The following B4GALT7 variants were observed in gnomAD, a reference collection of about 807,000 sequenced individuals.
B4GALT7 encodes UDP-Gal:beta-GlcNAc beta-1,4-galactosyltransferase 7.
Under a neutral mutation model 33.0 loss-of-function variants are expected in B4GALT7, and 30 were observed. The observed-to-expected ratio is 0.91, with a 90% CI of 0.68 to 1.23. B4GALT7 has a LOEUF of 1.23. B4GALT7 is among the 50% of genes most tolerant of loss of function. The pLI is 0.00. For missense variants in B4GALT7, 507 were observed against 450.8 expected (o/e 1.12, Z -1.13); for synonymous variants, 213 against 187.2 (o/e 1.14, Z -1.13).
intron 1 of B4GALT7, among the ~76,000 whole-genome samples, chr5:177,603,568 G>A (rs1421346021): frequency 6.6e-6 from 1 of 152,136 alleles, no homozygotes; most frequent in African/African-American, 2.4e-5. Context: ...TCAGTGAACC[G>A]CCACTGACAG....
At position 177,606,709 on chromosome 5, in the gene B4GALT7, G is replaced by A. The variant is rs547308589; in HGVS notation, c.414-593G>A. On this transcript the variant is annotated intron_variant, in intron 2 of 5. Transcript: ENST00000029410. The surrounding 1 kb of genome is among the most constrained non-coding windows in gnomAD (Gnocchi z 4.2). Reference sequence around the variant, plus strand: ...CCCATCTTACCCGAGTCAAAGCCCCGTCCTTCAGTGGCCCTTGGGCCTTGT... The same window carrying A: ...CCCATCTTACCCGAGTCAAAGCCCCATCCTTCAGTGGCCCTTGGGCCTTGT... 1.1e-3 allele frequency: 220 copies of A among 198,632 alleles called. No individual in the cohort carries two copies. Among genetic ancestry groups the A allele is most frequent in the African/African-American group, 4.8e-3 (208 of 43,198 alleles). 12.3% of individuals were successfully genotyped at this position (198,632 alleles called of 1,614,324 possible). A position where few individuals can be genotyped will look rare whatever the true frequency, so the allele number is the denominator to read the frequency against.
chr5:177,600,356 C>T lies in B4GALT7; in HGVS notation c.50+96C>T. 1 of 1,047,062 alleles carries T rather than the reference C, an allele frequency of 9.6e-7. No homozygotes were observed. Among genetic ancestry groups the T allele is most frequent in the Non-Finnish European group, 1.2e-6 (1 of 814,572 alleles). The allele number at this position is 1,047,062 out of a possible 1,614,324, so 64.9% of individuals were successfully genotyped here. A position where few individuals can be genotyped will look rare whatever the true frequency, so the allele number is the denominator to read the frequency against. On this transcript the variant is annotated intron_variant, in intron 1 of 5. Transcript: ENST00000029410. This position sits in a 1 kb window ranked among gnomAD's most constrained non-coding sequence, Gnocchi z 4.4. ...TGGGAACCCGAGGCCATCACGTCTCCATGTCTGCGGGTTTCTGTGAGGGCG... is the reference window on the plus strand; with the variant it reads ...TGGGAACCCGAGGCCATCACGTCTCTATGTCTGCGGGTTTCTGTGAGGGCG...
intron 5 of B4GALT7, 32 bp downstream of exon 5, chr5:177,609,046 A>T: frequency 6.4e-7 from 1 of 1,572,274 alleles, no homozygotes; most frequent in East Asian, 2.2e-5. Context: ...GGGGACAGAT[A>T]GGTGGTCATG....
In B4GALT7 at chr5:177,602,943, C is replaced by T. The variant is rs186429639; in HGVS notation, c.51-1236C>T. On this transcript the variant is annotated intron_variant, in intron 1 of 5. Transcript: ENST00000029410. ...TGTTGCCCAGGCTGGAGTGCAGTGG[C>T]GTGATCTCAGCTCACTGCAACCTCC... 5.8e-5 allele frequency: 41 copies of T among 712,858 alleles called. 1 individual carries two copies. The East Asian group carries it at 1.2e-3, about 21-fold the overall frequency. The allele number at this position is 712,858 out of a possible 1,614,324, so 44.2% of individuals were successfully genotyped here. A position where few individuals can be genotyped will look rare whatever the true frequency, so the allele number is the denominator to read the frequency against.
chr5:177,601,712 G>A (rs1219520238), intron 1 of B4GALT7, among the ~76,000 whole-genome samples: 2 of 152,128 alleles, frequency 1.3e-5, no homozygotes, highest in Admixed American at 6.6e-5. Flanking sequence ...TGATTGATGA[G>A]GGAGACAAAG....
At position 177,608,459 on chromosome 5, in the gene B4GALT7, G is replaced by A. The variant is rs1768076825; in HGVS notation, c.640-80G>A. On this transcript the variant is annotated intron_variant, in intron 3 of 5. Transcript: ENST00000029410. The surrounding 1 kb of genome is among the most constrained non-coding windows in gnomAD (Gnocchi z 4.1). ...TTATTCAGAGGCGCTGGGGGAGAGG[G>A]GCACTCCCGAGCGGTAGGAGACCAA... 3.8e-6 allele frequency: 5 copies of A among 1,300,662 alleles called. No homozygotes were observed. Among genetic ancestry groups the A allele is most frequent in the Admixed American group, 3.4e-5 (2 of 59,056 alleles). 80.6% of individuals were successfully genotyped at this position (1,300,662 alleles called of 1,614,324 possible). A position where few individuals can be genotyped will look rare whatever the true frequency, so the allele number is the denominator to read the frequency against.
chr5:177,606,661 C>T lies in B4GALT7; in HGVS notation c.414-641C>T, dbSNP rs748567712. On this transcript the variant is annotated intron_variant, in intron 2 of 5. Coordinates refer to ENST00000029410, the MANE Select transcript of B4GALT7 (RefSeq NM_007255.3). This position sits in a 1 kb window ranked among gnomAD's most constrained non-coding sequence, Gnocchi z 4.2. ...AGGCATAAGTCACAGCACGCCTCTA[C>T]CCTGCTCAGAGCCTCCATGGCACCC... 9 of 194,608 alleles carry T rather than the reference C, an allele frequency of 4.6e-5. No homozygotes were observed. Among genetic ancestry groups the T allele is most frequent in the Non-Finnish European group, 8.6e-5 (8 of 93,068 alleles). The allele number at this position is 194,608 out of a possible 1,614,324, so 12.1% of individuals were successfully genotyped here.
chr5:177,603,842 T>A (rs910198381), intron 1 of B4GALT7, among the ~76,000 whole-genome samples: 7 of 152,058 alleles, frequency 4.6e-5, no homozygotes, highest in Admixed American at 3.9e-4. Flanking sequence ...CACCTGCAAG[T>A]GACAGGAGCC....
rs563775424 is a variant in B4GALT7, at chr5:177,608,841, G to A, written c.724-69G>A. ...TGCAGGTCCCTTCCTGTGGGACCTC[G>A]GGAGCTGGTGGTGAGGGCTGGGGCT... On this transcript the variant is annotated intron_variant, in intron 4 of 5. Transcript: ENST00000029410. This position sits in a 1 kb window ranked among gnomAD's most constrained non-coding sequence, Gnocchi z 4.1. 231 of 1,397,550 alleles carry A rather than the reference G, an allele frequency of 1.7e-4. 1 individual carries two copies. The highest frequency in any genetic ancestry group is 1.2e-3 in the Middle Eastern group (7 of 5,704). 86.6% of individuals were successfully genotyped at this position (1,397,550 alleles called of 1,614,324 possible).
In B4GALT7 at chr5:177,600,483, C is replaced by T. The variant is rs1005262856; in HGVS notation, c.50+223C>T. Among the ~76,000 whole-genome samples the T allele has an allele frequency of 1.3e-5, 2 of 151,312 alleles. No individual in the cohort carries two copies. The highest frequency in any genetic ancestry group is 6.6e-5 in the Admixed American group (1 of 15,208). On this transcript the variant is annotated intron_variant, in intron 1 of 5. Coordinates refer to ENST00000029410, the MANE Select transcript of B4GALT7 (RefSeq NM_007255.3). This position sits in a 1 kb window ranked among gnomAD's most constrained non-coding sequence, Gnocchi z 4.4. ...CCTCTCCCTTTCCGCGGCACTCGTCCTTCCCCCAGCACCTTCCCCCCGGCC... is the reference window on the plus strand; with the variant it reads ...CCTCTCCCTTTCCGCGGCACTCGTCTTTCCCCCAGCACCTTCCCCCCGGCC...
intron 1 of B4GALT7, among the ~76,000 whole-genome samples, chr5:177,603,529 G>T (rs1767895892): frequency 6.6e-6 from 1 of 152,192 alleles, no homozygotes; most frequent in African/African-American, 2.4e-5. Context: ...ATCATGAGCT[G>T]CCTCTTGGAC....
intron 2 of B4GALT7, chr5:177,607,003 GA>G (rs1561815272): frequency 2.1e-6 from 1 of 477,260 alleles, no homozygotes; most frequent in Non-Finnish European, 3.9e-6. Flanking sequence ...CCCCCAGCAC[GA>G]ACCACTGCTG....
chr5:177,608,534 G>T lies in B4GALT7; in HGVS notation c.640-5G>T. 1 of 1,613,054 alleles carries T rather than the reference G, an allele frequency of 6.2e-7. No homozygotes were observed. On this transcript the variant is annotated splice_region_variant and splice_polypyrimidine_tract_variant and intron_variant, in intron 3 of 5. Transcript: ENST00000029410. The surrounding 1 kb of genome is among the most constrained non-coding windows in gnomAD (Gnocchi z 4.1). ...GCCGAGTGACGCTGCTTGTCTCTGT[G>T]TCAGTGCAATGGGATGTCCAACCGC...
intron 3 of B4GALT7, 80 bp downstream of exon 3, chr5:177,607,607 C>T (rs2127513437): frequency 7.3e-7 from 1 of 1,379,098 alleles, no homozygotes; most frequent in Admixed American, 1.7e-5. Context: ...GGGGCAGTGC[C>T]TCTGGGGCCC....
At chr5:177,603,228 A>T in intron 1 of B4GALT7, 1 of 985,328 alleles carries the variant, frequency 1.0e-6, no homozygotes, top group Non-Finnish European at 1.2e-6. Context: ...GACTCTTAAG[A>T]TTGTGAAGTG....
Position 177,608,498 on chromosome 5 carries a change from C to CCCG in B4GALT7, c.640-41_640-40insCCG. ...GTAGGAGACCAAAGGCCCCCCCCCC[C>CCCG]GGGAAGATGGGCCGAGTGACGCTGC... On this transcript the variant is annotated intron_variant, in intron 3 of 5. Coordinates refer to ENST00000029410, the MANE Select transcript of B4GALT7 (RefSeq NM_007255.3). This position sits in a 1 kb window ranked among gnomAD's most constrained non-coding sequence, Gnocchi z 4.1. 1 of 1,568,252 alleles carries CCCG rather than the reference C, an allele frequency of 6.4e-7. No individual in the cohort carries two copies. Among genetic ancestry groups the CCCG allele is most frequent in the Non-Finnish European group, 8.8e-7 (1 of 1,141,674 alleles).
At chr5:177,604,918 G>C in intron 2 of B4GALT7, 4 of 463,068 alleles carry the variant, frequency 8.6e-6, no homozygotes, top group South Asian at 6.4e-5. Context: ...GGAGGGTCAA[G>C]GCCACGGCTT....
rs1310598945 is a variant in B4GALT7 at position 177,604,399 on chromosome 5, G to C, written c.271G>C (p.Gly91Arg). The change falls in exon 2 of 6, where the codon GGC becomes CGC. Residue 91 changes from glycine to arginine, a missense_variant. Physicochemically the swap from Gly to Arg is moderately radical, Grantham distance 125 (BLOSUM62 -2). Coordinates refer to ENST00000029410, the MANE Select transcript of B4GALT7 (RefSeq NM_007255.3). ...GCACTGGGAAGAAGACGCATCCTGG[G>C]GCCCCCACCGCCTGGCAGTGCTGGT... ...PEHWEEDASW[G>R]PHRLAVLVPF... 6.2e-7 allele frequency: 1 copy of C among 1,613,762 alleles called. No homozygotes were observed. Among genetic ancestry groups the C allele is most frequent in the East Asian group, 2.2e-5 (1 of 44,866 alleles).
chr5:177,607,485 T>A lies in B4GALT7; in HGVS notation c.597T>A (p.Tyr199Ter), dbSNP rs560198890. The A allele has an allele frequency of 3.7e-6, 6 of 1,613,542 alleles. No individual in the cohort carries two copies. In the East Asian group the frequency reaches 8.9e-5, roughly 24 times the overall value. The change falls in exon 3 of 6, where the codon TAT becomes TAA. Residue 199 changes from tyrosine to a stop codon, truncating the protein, a stop_gained. Transcript: ENST00000029410. LOFTEE classifies it high-confidence loss of function. ...ELHPLYHYKT[Y>*]VGGILLLSKQ... The stretch of plus-strand genomic sequence containing the variant: ...ACCCTCTCTACCACTACAAGACCTA[T>A]GTCGGCGGCATCCTGCTGCTCTCCA...
Sources: gnomAD v4.1 joint callset for allele counts (sites outside exome capture counted in the v4.1 genomes callset) on GRCh38, gnomAD v4.1.1 for gene constraint, Gnocchi (gnomAD v3.1) non-coding constraint, MANE v1.5 for transcripts, NCBI Gene and HGNC (gene_info 2026-07-23, HGNC 2026-07-21) for gene names.